SLC5A4: variants seen among roughly 807,000 people sequenced by gnomAD.
SLC5A4 encodes probable glucose sensor protein SLC5A4.
A neutral mutation model predicts 70.3 loss-of-function variants in SLC5A4; 55 were observed. The ratio of observed to expected loss-of-function variants is 0.78; its 90% CI spans 0.63 to 0.98. The LOEUF (loss-of-function observed/expected upper bound fraction) is 0.98. SLC5A4 is among the 50% of genes least tolerant of loss of function. The probability of loss-of-function intolerance (pLI) is 0.00; values close to 1 mark genes in which losing one functional copy is unlikely to be tolerated. For missense variants in SLC5A4, 735 were observed against 839.2 expected (o/e 0.88, Z 1.53); for synonymous variants, 268 against 305.7 (o/e 0.88, Z 1.29).
rs577128484 is a variant in SLC5A4 at position 32,228,411 on chromosome 22, G to A, written c.1280+783C>T. Among the ~76,000 whole-genome samples the A allele has an allele frequency of 2.0e-5, 3 of 151,890 alleles. No homozygotes were observed. In the South Asian group the frequency reaches 6.3e-4, roughly 32 times the overall value. The stretch of plus-strand genomic sequence containing the variant: ...CAAAAAATTATCTGGGCATGGTGGC[G>A]GGCACCTGTAATCCCAGTTACTCAG... On this transcript the variant is annotated intron_variant, in intron 11 of 14. Coordinates refer to ENST00000266086, the MANE Select transcript of SLC5A4 (RefSeq NM_014227.3).
intron 13 of SLC5A4, 125 bp from the exon 14 acceptor site, chr22:32,221,147 C>A (rs1216010827): frequency 1.8e-6 from 1 of 550,156 alleles, no homozygotes; most frequent in South Asian, 3.4e-5. Context: ...GAATATAGAT[C>A]ACAAAGAAAA....
At chr22:32,270,641 G>A in the SLC5A4 span, 2 of 730,726 alleles carry the variant, frequency 2.7e-6, no homozygotes, top group Non-Finnish European at 5.1e-6. Context: ...GAAAACATCG[G>A]GGACAACCAC....
the SLC5A4 span, among the ~76,000 whole-genome samples, chr22:32,325,573 A>G: frequency 6.6e-6 from 1 of 152,212 alleles, no homozygotes; most frequent in African/African-American, 2.4e-5. Flanking sequence ...CATCTGCCAG[A>G]AGGTGTCTGG....
the SLC5A4 span, among the ~76,000 whole-genome samples, chr22:32,297,754 A>G: frequency 4.2e-5 from 5 of 120,394 alleles, 1 homozygote; most frequent in African/African-American, 1.5e-4. Flanking sequence ...TTAGGGTGTC[A>G]ATTTTGGATC....
chr22:32,338,242 A>G, the SLC5A4 span, among the ~76,000 whole-genome samples: 2 of 152,352 alleles, frequency 1.3e-5, no homozygotes, highest in African/African-American at 4.8e-5. Flanking sequence ...ATGTTGCTTC[A>G]TGAAAATGGC....
At position 32,224,247 on chromosome 22, in the gene SLC5A4, A is replaced by G; in HGVS notation, c.1665+20T>C. The G allele has an allele frequency of 6.4e-4, 783 of 1,221,880 alleles. No homozygotes were observed. Among genetic ancestry groups the G allele is most frequent in the Non-Finnish European group, 8.6e-4 (712 of 823,212 alleles). The allele number at this position is 1,221,880 out of a possible 1,614,324, so 75.7% of individuals were successfully genotyped here. On this transcript the variant is annotated intron_variant, in intron 13 of 14. Transcript: ENST00000266086. ...GAACTCTTATTTAAAATTAGCATGT[A>G]TTCATTACTCATCACTCACATGTAC...
chr22:32,293,744 G>A, the SLC5A4 span, among the ~76,000 whole-genome samples: 5 of 151,868 alleles, frequency 3.3e-5, no homozygotes, highest in South Asian at 4.2e-4. Context: ...AGGATCATTT[G>A]TTTTACTGTC....
the SLC5A4 span, among the ~76,000 whole-genome samples, chr22:32,275,810 T>G: frequency 6.6e-6 from 1 of 152,364 alleles, no homozygotes; most frequent in Non-Finnish European, 1.5e-5. Context: ...CCACAATGGT[T>G]GAACTAGTTT....
the SLC5A4 span, among the ~76,000 whole-genome samples, chr22:32,342,062 A>G: frequency 2.2e-4 from 33 of 152,364 alleles, no homozygotes; most frequent in African/African-American, 7.0e-4. Flanking sequence ...TGGCTAGTAC[A>G]GTCCCTGGTA....
intron 3 of SLC5A4, among the ~76,000 whole-genome samples, chr22:32,250,606 T>C (rs1927083023): frequency 6.6e-6 from 1 of 152,178 alleles, no homozygotes. Context: ...CATTACTGGG[T>C]ATATACCCAA....
At chr22:32,333,203 C>T in the SLC5A4 span, among the ~76,000 whole-genome samples, 2 of 149,002 alleles carry the variant, frequency 1.3e-5, no homozygotes, top group Non-Finnish European at 1.5e-5. Flanking sequence ...GGCACCCCCC[C>T]CCCAGAAGAC....
the SLC5A4 span, among the ~76,000 whole-genome samples, chr22:32,324,795 ACCGCTGCC>A: frequency 4.6e-5 from 7 of 152,234 alleles, no homozygotes; most frequent in East Asian, 1.4e-3. Context: ...GGCCATCCTC[ACCGCTGCC>A]CAGCAGGGCT....
chr22:32,323,579 G>T, the SLC5A4 span, among the ~76,000 whole-genome samples: 1 of 152,202 alleles, frequency 6.6e-6, no homozygotes, highest in Admixed American at 6.5e-5. Flanking sequence ...CTGCAGGCAC[G>T]GACGGTGCCA....
chr22:32,276,924 T>G, the SLC5A4 span: 3 of 152,144 alleles, frequency 2.0e-5, no homozygotes, highest in African/African-American at 7.2e-5. Context: ...AGGTATAAAT[T>G]TTCACTTTTT....
chr22:32,312,386 C>CACACACACACACACACACACACAT, the SLC5A4 span, among the ~76,000 whole-genome samples: 1 of 150,320 alleles, frequency 6.7e-6, no homozygotes, highest in African/African-American at 2.5e-5. Flanking sequence ...CACACACACA[C>CACACACACACACACACACACACAT]GCACATTCAA....
At chr22:32,333,206 C>CGA in the SLC5A4 span, among the ~76,000 whole-genome samples, 2 of 150,386 alleles carry the variant, frequency 1.3e-5, no homozygotes, top group Non-Finnish European at 3.0e-5. Context: ...ACCCCCCCCC[C>CGA]AGAAGACTCA....
the SLC5A4 span, among the ~76,000 whole-genome samples, chr22:32,333,335 G>T: frequency 6.6e-6 from 1 of 152,146 alleles, no homozygotes; most frequent in African/African-American, 2.4e-5. Flanking sequence ...TCCGGAAGGA[G>T]CATGACCTCA....
chr22:32,288,789 G>A, the SLC5A4 span, among the ~76,000 whole-genome samples: 2 of 151,948 alleles, frequency 1.3e-5, no homozygotes, highest in African/African-American at 4.8e-5. Flanking sequence ...CAGGTGATCC[G>A]ACCGCCTCAG....
chr22:32,304,007 T>C, the SLC5A4 span, among the ~76,000 whole-genome samples: 2 of 152,226 alleles, frequency 1.3e-5, no homozygotes, highest in Admixed American at 1.3e-4. Flanking sequence ...AGGTGTGTCA[T>C]GGTATCTCAT....
Sources: allele counts gnomAD v4.1 joint callset (sites outside exome capture counted in the v4.1 genomes callset), GRCh38; gene constraint gnomAD v4.1.1; transcripts MANE v1.5; gene names NCBI Gene and HGNC (gene_info 2026-07-23, HGNC 2026-07-21).